AGAP1: variants seen among roughly 807,000 people sequenced by gnomAD.
AGAP1 encodes the protein ArfGAP with GTPase domain, ankyrin repeat and PH domain 1, also known as arf-GAP with GTPase, ANK repeat and PH domain-containing protein 1.
A neutral mutation model predicts 105.3 loss-of-function variants in AGAP1; 29 were observed. The ratio of observed to expected loss-of-function variants is 0.28; its 90% CI spans 0.21 to 0.38. The LOEUF (loss-of-function observed/expected upper bound fraction) is 0.38. AGAP1 is among the 10% of genes least tolerant of loss of function. The probability of loss-of-function intolerance (pLI) is 1.00; values close to 1 mark genes in which losing one functional copy is unlikely to be tolerated. For synonymous variants in AGAP1, 509 were observed against 485.9 expected (o/e 1.05, Z -0.63); for missense variants, 998 against 1,165.1 (o/e 0.86, Z 2.09).
chr2:236,076,206 T>C lies in AGAP1; in HGVS notation c.2114+26925T>C, dbSNP rs2058631743. 6.6e-6 allele frequency among the ~76,000 whole-genome samples: 1 copy of C among 152,174 alleles called. No individual in the cohort carries two copies. The highest frequency in any genetic ancestry group is 2.4e-5 in the African/African-American group (1 of 41,460). On this transcript the variant is annotated intron_variant, in intron 16 of 17. Coordinates refer to ENST00000304032, the MANE Select transcript of AGAP1 (RefSeq NM_001037131.3). This position sits in a 1 kb window ranked among gnomAD's most constrained non-coding sequence, Gnocchi z 4.4. The stretch of plus-strand genomic sequence containing the variant: ...GGCTCATGCCTGTAATCCCAGCACT[T>C]TGAGAGGCCAAAGTGGGTGGATCAC...
chr2:235,768,341 A>G (rs1337613739), intron 6 of AGAP1, among the ~76,000 whole-genome samples: 3 of 152,248 alleles, frequency 2.0e-5, no homozygotes, highest in African/African-American at 4.8e-5. Flanking sequence ...TCACAAACTC[A>G]GTATTCTTCA....
In AGAP1 at chr2:235,556,573, G is replaced by T. The variant is rs1033476907; in HGVS notation, c.163+61724G>T. Among the ~76,000 whole-genome samples, 10 of 152,210 alleles carry T rather than the reference G, an allele frequency of 6.6e-5. No individual in the cohort carries two copies. Among genetic ancestry groups the T allele is most frequent in the African/African-American group, 2.4e-4 (10 of 41,450 alleles). ...CACCTTGGGGGAGGGAAGGCATCAG[G>T]AGCCTTCTGCTGAGTTCAGTGGAAG... On this transcript the variant is annotated intron_variant, in intron 1 of 17. Transcript: ENST00000304032. The surrounding 1 kb of genome is among the most constrained non-coding windows in gnomAD (Gnocchi z 5.3).
At chr2:235,682,010 C>T (rs1173953173) in intron 1 of AGAP1, among the ~76,000 whole-genome samples, 1 of 151,852 alleles carries the variant, frequency 6.6e-6, no homozygotes, top group Non-Finnish European at 1.5e-5. Flanking sequence ...CCACCACGCC[C>T]AGCTAATTTT....
chr2:235,556,231 C>T lies in AGAP1; in HGVS notation c.163+61382C>T, dbSNP rs1478731751. On this transcript the variant is annotated intron_variant, in intron 1 of 17. Transcript: ENST00000304032. The surrounding 1 kb of genome is among the most constrained non-coding windows in gnomAD (Gnocchi z 5.3). Reference sequence around the variant, plus strand: ...TCATGCCTTGGCCAATCACAGAGCACCCTTTCTGTCCAGGCCACTGATCAG... The same window carrying T: ...TCATGCCTTGGCCAATCACAGAGCATCCTTTCTGTCCAGGCCACTGATCAG... Among the ~76,000 whole-genome samples, 1 of 152,238 alleles carries T rather than the reference C, an allele frequency of 6.6e-6. No individual in the cohort carries two copies. The highest frequency in any genetic ancestry group is 1.9e-4 in the East Asian group (1 of 5,188).
chr2:235,508,068 A>G (rs757991338), intron 1 of AGAP1, among the ~76,000 whole-genome samples: 10 of 152,080 alleles, frequency 6.6e-5, no homozygotes, highest in Non-Finnish European at 1.3e-4. Context: ...TTCGCTTATG[A>G]TATTGGCCTC....
chr2:235,572,462 C>G (rs901857825), intron 1 of AGAP1, among the ~76,000 whole-genome samples: 1 of 152,048 alleles, frequency 6.6e-6, no homozygotes, highest in Non-Finnish European at 1.5e-5. Flanking sequence ...CACCACCCTT[C>G]CCCCGCAGGT....
rs1373118993 is a variant in AGAP1, at chr2:236,104,003, G to A, written c.2115-16189G>A. Among the ~76,000 whole-genome samples the A allele has an allele frequency of 1.3e-5, 2 of 152,262 alleles. No individual in the cohort carries two copies. The highest frequency in any genetic ancestry group is 2.9e-5 in the Non-Finnish European group (2 of 68,044). On this transcript the variant is annotated intron_variant, in intron 16 of 17. Coordinates refer to ENST00000304032, the MANE Select transcript of AGAP1 (RefSeq NM_001037131.3). The surrounding 1 kb of genome is among the most constrained non-coding windows in gnomAD (Gnocchi z 4.7). ...TACGTCCTTACTATGTCCCTGAGATGTGGAGGGTTTTATCCCCTTTTTGCG... is the reference window on the plus strand; with the variant it reads ...TACGTCCTTACTATGTCCCTGAGATATGGAGGGTTTTATCCCCTTTTTGCG...
In AGAP1 at chr2:235,712,507, A is replaced by G. The variant is rs1213320491; in HGVS notation, c.222+3270A>G. On this transcript the variant is annotated intron_variant, in intron 2 of 17. Transcript: ENST00000304032. This position sits in a 1 kb window ranked among gnomAD's most constrained non-coding sequence, Gnocchi z 6.0. The stretch of plus-strand genomic sequence containing the variant: ...AGGGGACCTCAGTCCCCAGCTCCTC[A>G]CATCCTATTTGTGTGTTTTCATTGA... 6.6e-6 allele frequency among the ~76,000 whole-genome samples: 1 copy of G among 152,244 alleles called. No individual in the cohort carries two copies. Among genetic ancestry groups the G allele is most frequent in the Non-Finnish European group, 1.5e-5 (1 of 68,046 alleles).
In AGAP1 at chr2:235,697,873, A is replaced by G. The variant is rs546189581; in HGVS notation, c.164-11306A>G. ...TCTTGTCTCCTGCGTTCTTTATTTTAACCAGGGAAAATGTTCTCGTGTCTA... is the reference window on the plus strand; with the variant it reads ...TCTTGTCTCCTGCGTTCTTTATTTTGACCAGGGAAAATGTTCTCGTGTCTA... On this transcript the variant is annotated intron_variant, in intron 1 of 17. Transcript: ENST00000304032. Among the ~76,000 whole-genome samples, 3 of 152,304 alleles carry G rather than the reference A, an allele frequency of 2.0e-5. No homozygotes were observed. The South Asian group carries it at 6.2e-4, about 32-fold the overall frequency.
At chr2:235,997,819 G>A (rs1003193925) in intron 13 of AGAP1, among the ~76,000 whole-genome samples, 2 of 152,004 alleles carry the variant, frequency 1.3e-5, no homozygotes, top group African/African-American at 4.8e-5. Flanking sequence ...CCTTCTGTAG[G>A]GATTGTATTT....
At position 235,866,622 on chromosome 2, in the gene AGAP1, G is replaced by A. The variant is rs201342038; in HGVS notation, c.1051-16723G>A. Among the ~76,000 whole-genome samples the A allele has an allele frequency of 3.3e-5, 5 of 152,230 alleles. No individual in the cohort carries two copies. The highest frequency in any genetic ancestry group is 5.9e-5 in the Non-Finnish European group (4 of 68,050). On this transcript the variant is annotated intron_variant, in intron 9 of 17. Coordinates refer to ENST00000304032, the MANE Select transcript of AGAP1 (RefSeq NM_001037131.3). The surrounding 1 kb of genome is among the most constrained non-coding windows in gnomAD (Gnocchi z 6.1). ...GCACAGCCTGTTCATGCACCTGTGT[G>A]TGTGAGTCAGCTCAAACTGCCATAA...
At chr2:235,735,100 G>A (rs762018023) in intron 3 of AGAP1, among the ~76,000 whole-genome samples, 11 of 151,810 alleles carry the variant, frequency 7.2e-5, no homozygotes, top group African/African-American at 2.2e-4. Context: ...TGATGTTTGC[G>A]TCATAAGATG....
chr2:235,921,278 A>C (rs981121004), intron 11 of AGAP1, among the ~76,000 whole-genome samples: 2 of 152,154 alleles, frequency 1.3e-5, no homozygotes, highest in African/African-American at 4.8e-5. Flanking sequence ...ATTACATAAC[A>C]ACATGGGGAA....
chr2:236,073,568 T>C lies in AGAP1; in HGVS notation c.2114+24287T>C, dbSNP rs935929137. On this transcript the variant is annotated intron_variant, in intron 16 of 17. Transcript: ENST00000304032. This position sits in a 1 kb window ranked among gnomAD's most constrained non-coding sequence, Gnocchi z 5.4. Reference sequence around the variant, plus strand: ...CCAGTCAGGAGTAATTGTTGTAAGTTAGGCTTTGACAAGGACCTTGTAATG... The same window carrying C: ...CCAGTCAGGAGTAATTGTTGTAAGTCAGGCTTTGACAAGGACCTTGTAATG... 5.9e-5 allele frequency among the ~76,000 whole-genome samples: 9 copies of C among 152,308 alleles called. No individual in the cohort carries two copies. The highest frequency in any genetic ancestry group is 1.7e-4 in the African/African-American group (7 of 41,580).
chr2:235,831,423 T>C (rs141419869), intron 9 of AGAP1, among the ~76,000 whole-genome samples: 84 of 152,278 alleles, frequency 5.5e-4, no homozygotes, highest in Non-Finnish European at 1.1e-3. Context: ...CTGCGGTGTA[T>C]AGGATCATAA....
At chr2:235,537,900 C>G (rs933676043) in intron 1 of AGAP1, among the ~76,000 whole-genome samples, 1 of 152,154 alleles carries the variant, frequency 6.6e-6, no homozygotes, top group Non-Finnish European at 1.5e-5. Flanking sequence ...CTTCTGTCAT[C>G]AGAATATCTG....
chr2:235,912,513 A>G (rs1343656472), intron 11 of AGAP1, among the ~76,000 whole-genome samples: 1 of 152,064 alleles, frequency 6.6e-6, no homozygotes, highest in East Asian at 1.9e-4. Flanking sequence ...TCATTTTTGT[A>G]TTCATTTTCT....
chr2:235,943,824 C>T (rs1463992458), intron 12 of AGAP1, among the ~76,000 whole-genome samples: 1 of 152,170 alleles, frequency 6.6e-6, no homozygotes, highest in Non-Finnish European at 1.5e-5. Flanking sequence ...AGCCCACTGT[C>T]CAGCTTCTCC....
rs1273947141 is a variant in AGAP1, at chr2:235,971,669, G to A, written c.1645+3046G>A. Among the ~76,000 whole-genome samples the A allele has an allele frequency of 2.0e-5, 3 of 149,974 alleles. No individual in the cohort carries two copies. The highest frequency in any genetic ancestry group is 3.0e-5 in the Non-Finnish European group (2 of 67,666). On this transcript the variant is annotated intron_variant, in intron 13 of 17. Coordinates refer to ENST00000304032, the MANE Select transcript of AGAP1 (RefSeq NM_001037131.3). This position sits in a 1 kb window ranked among gnomAD's most constrained non-coding sequence, Gnocchi z 4.8. ...GGCGCCACTGCGCTCCAGCCTGGGC[G>A]ACAGAGTGAGACTCCGTCTCAAAAA...
Sources: allele counts gnomAD v4.1 joint callset (sites outside exome capture counted in the v4.1 genomes callset), GRCh38; gene constraint gnomAD v4.1.1; non-coding constraint Gnocchi (gnomAD v3.1); transcripts MANE v1.5; gene names NCBI Gene and HGNC (gene_info 2026-07-23, HGNC 2026-07-21).